The following SLC44A3 variants were observed in gnomAD, a reference collection of about 807,000 sequenced individuals.
The protein encoded by SLC44A3 is choline transporter-like protein 3.
A neutral mutation model predicts 75.4 loss-of-function variants in SLC44A3; 74 were observed. That is an observed-to-expected ratio of 0.98 (90% confidence interval 0.81 to 1.19). SLC44A3 has a LOEUF of 1.19. SLC44A3 is among the 50% of genes most tolerant of loss of function. The pLI is 0.00. For synonymous variants in SLC44A3, 310 were observed against 296.9 expected, an observed-to-expected ratio of 1.04 and a Z score of -0.45; for missense variants, 700 against 778.6, an observed-to-expected ratio of 0.90 and a Z score of 1.20.
intron 5 of SLC44A3, among the ~76,000 whole-genome samples, chr1:94,834,972 T>C (rs190696849): frequency 5.3e-5 from 8 of 152,326 alleles, no homozygotes; most frequent in Admixed American, 1.3e-4. Context: ...TGTTGTCATG[T>C]TCCTCGATAG....
intron 9 of SLC44A3, among the ~76,000 whole-genome samples, chr1:94,854,609 A>T (rs1406419166): frequency 6.6e-6 from 1 of 152,068 alleles, no homozygotes; most frequent in East Asian, 1.9e-4. Flanking sequence ...CGTCTACCCC[A>T]CCCACAGGCT....
chr1:94,851,983 A>G (rs1166495120), intron 9 of SLC44A3, among the ~76,000 whole-genome samples: 1 of 152,244 alleles, frequency 6.6e-6, no homozygotes, highest in African/African-American at 2.4e-5. Flanking sequence ...AGCTAACTGC[A>G]CTATGAATAT....
At chr1:94,848,295 T>C (rs563489640) in intron 9 of SLC44A3, among the ~76,000 whole-genome samples, 39 of 151,046 alleles carry the variant, frequency 2.6e-4, no homozygotes, top group African/African-American at 9.2e-4. Context: ...ACCACAGCAG[T>C]TGGCTGGTGG....
rs976485221 is a variant in SLC44A3 at position 94,856,718 on chromosome 1, C to T, written c.1073-617C>T. ...GAGCTCTGAGACTTTACAAAAGTTA[C>T]TTGCCTCTTCTTCTTCTTCTTTTTT... On this transcript the variant is annotated intron_variant, in intron 9 of 14. Coordinates refer to ENST00000271227, the MANE Select transcript of SLC44A3 (RefSeq NM_001114106.3). Among the ~76,000 whole-genome samples, 14 of 152,148 alleles carry T rather than the reference C, an allele frequency of 9.2e-5. 1 individual carries two copies. The highest frequency in any genetic ancestry group is 7.9e-4 in the Admixed American group (12 of 15,262).
At chr1:94,857,141 G>A (rs543389662) in intron 9 of SLC44A3, among the ~76,000 whole-genome samples, 194 bp from the exon 10 acceptor site, 73 of 152,348 alleles carry the variant, frequency 4.8e-4, no homozygotes, top group African/African-American at 4.1e-4. Context: ...AATTATCACC[G>A]TTGGTGTTAT....
At position 94,891,219 on chromosome 1, in the gene SLC44A3, C is replaced by A; in HGVS notation, c.1572C>A (p.His524Gln). ...AFKILSKNSSHFTSINCFGDF... is the reference protein window; with the variant it reads ...AFKILSKNSSQFTSINCFGDF... ...AAATCTTGTCCAAGAACTCAAGTCACTTTACATCTATTAACTGCTTTGGAG... is the reference window on the plus strand; with the variant it reads ...AAATCTTGTCCAAGAACTCAAGTCAATTTACATCTATTAACTGCTTTGGAG... The change falls in exon 13 of 15, where the codon CAC (histidine) becomes CAA (glutamine). Residue 524 changes from histidine (H) to glutamine (Q), a missense_variant. Coordinates refer to ENST00000271227, the MANE Select transcript of SLC44A3 (RefSeq NM_001114106.3). The A allele has an allele frequency of 6.2e-7, 1 of 1,613,524 alleles. No homozygotes were observed. The highest frequency in any genetic ancestry group is 1.1e-5 in the South Asian group (1 of 91,008).
intron 5 of SLC44A3, among the ~76,000 whole-genome samples, chr1:94,831,763 T>C (rs1191382235): frequency 2.0e-5 from 3 of 152,342 alleles, no homozygotes; most frequent in African/African-American, 4.8e-5. Flanking sequence ...TCCATATACC[T>C]GGTGATCTAA....
intron 8 of SLC44A3, among the ~76,000 whole-genome samples, chr1:94,842,571 G>C (rs1442145174): frequency 2.0e-5 from 3 of 152,228 alleles, no homozygotes; most frequent in African/African-American, 2.4e-5. Context: ...AGAACTTGCT[G>C]CCTCCTCAGT....
chr1:94,835,494 A>G (rs1662662452), intron 5 of SLC44A3, among the ~76,000 whole-genome samples: 1 of 152,254 alleles, frequency 6.6e-6, no homozygotes, highest in African/African-American at 2.4e-5. Context: ...GGGGAATGTG[A>G]GTGAAGGATA....
intron 12 of SLC44A3, among the ~76,000 whole-genome samples, chr1:94,883,960 G>A (rs1669282213): frequency 6.6e-6 from 1 of 152,136 alleles, no homozygotes; most frequent in Non-Finnish European, 1.5e-5. Context: ...TGAAGGCCAA[G>A]CAATGTTAGC....
Position 94,892,374 on chromosome 1 carries a change from G to A in SLC44A3, c.1714G>A (p.Ala572Thr). 1 of 1,614,124 alleles carries A rather than the reference G, an allele frequency of 6.2e-7. No homozygotes were observed. Among genetic ancestry groups the A allele is most frequent in the Non-Finnish European group, 8.5e-7 (1 of 1,180,010 alleles). The change falls in exon 14 of 15, where the codon GCT (alanine) becomes ACT (threonine). Residue 572 changes from alanine (A) to threonine (T), a missense_variant. Ala to Thr is a moderately conservative substitution (Grantham distance 58). Coordinates refer to ENST00000271227, the MANE Select transcript of SLC44A3 (RefSeq NM_001114106.3). ...QVWAVPLLLV[A>T]FFAYLVAHSF... Reference sequence around the variant, plus strand: ...GTGGGCAGTCCCTCTGTTATTGGTAGCTTTTTTTGCCTACTTAGTAGCCCA... The same window carrying A: ...GTGGGCAGTCCCTCTGTTATTGGTAACTTTTTTTGCCTACTTAGTAGCCCA...
chr1:94,824,403 G>A (rs1661019457), intron 2 of SLC44A3, 90 bp from the exon 3 acceptor site: 3 of 1,442,324 alleles, frequency 2.1e-6, no homozygotes, highest in African/African-American at 1.4e-5. Context: ...CGTTCCACCA[G>A]GCTCCGTTTT....
At chr1:94,869,400 G>A (rs928421670) in intron 12 of SLC44A3, among the ~76,000 whole-genome samples, 10 of 152,336 alleles carry the variant, frequency 6.6e-5, no homozygotes, top group Non-Finnish European at 1.3e-4. Flanking sequence ...AGTCAGTGGT[G>A]CAAACAGGGA....
At chr1:94,837,230 G>A (rs1662949161) in intron 5 of SLC44A3, among the ~76,000 whole-genome samples, 1 of 152,148 alleles carries the variant, frequency 6.6e-6, no homozygotes. Context: ...TACGTAGGAT[G>A]AATAAATTCT....
chr1:94,848,767 C>T (rs376813286), intron 9 of SLC44A3, among the ~76,000 whole-genome samples: 104 of 152,070 alleles, frequency 6.8e-4, no homozygotes, highest in Non-Finnish European at 1.1e-3. Flanking sequence ...AACGTGTGAT[C>T]GCAGTGAAGA....
intron 9 of SLC44A3, among the ~76,000 whole-genome samples, chr1:94,849,760 T>A (rs1188452628): frequency 6.6e-6 from 1 of 152,134 alleles, no homozygotes; most frequent in Admixed American, 6.6e-5. Flanking sequence ...TTGTGTTTTG[T>A]TTTTTGTTGG....
At chr1:94,840,670 A>G (rs901228832) in intron 7 of SLC44A3, among the ~76,000 whole-genome samples, 2 of 152,140 alleles carry the variant, frequency 1.3e-5, no homozygotes, top group African/African-American at 2.4e-5. Flanking sequence ...CATAACGTTA[A>G]AAGAGAATCC....
Position 94,892,860 on chromosome 1 carries a change from T to G in SLC44A3, c.1857+343T>G, listed in dbSNP as rs368563019. 1.1e-4 allele frequency among the ~76,000 whole-genome samples: 17 copies of G among 152,242 alleles called. 1 individual carries two copies. The highest frequency in any genetic ancestry group is 8.5e-4 in the Admixed American group (13 of 15,292). On this transcript the variant is annotated intron_variant, in intron 14 of 14. Coordinates refer to ENST00000271227, the MANE Select transcript of SLC44A3 (RefSeq NM_001114106.3). ...TCATGGCATGATCTGGCCTTTTGGG[T>G]GGTCTAGAAGTTTAACAGTTGATCT...
chr1:94,881,599 G>C (rs1668996105), intron 12 of SLC44A3, among the ~76,000 whole-genome samples: 1 of 151,430 alleles, frequency 6.6e-6, no homozygotes, highest in South Asian at 2.1e-4. Flanking sequence ...AGCTACTCGG[G>C]AGGCTGAGGC....
Sources: gnomAD v4.1 joint callset for allele counts (sites outside exome capture counted in the v4.1 genomes callset) on GRCh38, gnomAD v4.1.1 for gene constraint, MANE v1.5 for transcripts, NCBI Gene and HGNC (gene_info 2026-07-23, HGNC 2026-07-21) for gene names.